ANKEF1: variants seen among roughly 807,000 people sequenced by gnomAD.
ANKEF1 encodes the protein ankyrin repeat and EF-hand domain-containing protein 1.
Under a neutral mutation model 65.1 loss-of-function variants are expected in ANKEF1, and 43 were observed. The ratio of observed to expected loss-of-function variants is 0.66; its 90% confidence interval spans 0.52 to 0.85. The LOEUF is 0.85. Ranked by LOEUF, ANKEF1 falls within the 40% of genes least tolerant of loss-of-function variation. The pLI is 0.00. For synonymous variants in ANKEF1, 316 were observed against 341.5 expected, an observed-to-expected ratio of 0.93 and a Z score of 0.82; for missense variants, 934 against 952.9, an observed-to-expected ratio of 0.98 and a Z score of 0.26.
At chr20:10,050,782 C>A (rs965119466) in intron 7 of ANKEF1, among the ~76,000 whole-genome samples, 2 of 152,170 alleles carry the variant, frequency 1.3e-5, no homozygotes, top group African/African-American at 2.4e-5. Flanking sequence ...GGTGTGGAGT[C>A]ACTTTTTAAT....
chr20:10,039,741 A>G (rs1984062869), intron 3 of ANKEF1, among the ~76,000 whole-genome samples: 1 of 152,178 alleles, frequency 6.6e-6, no homozygotes, highest in Non-Finnish European at 1.5e-5. Context: ...CTACAGGCAA[A>G]ATTGGTTCCA....
chr20:10,055,428 A>T (rs1221621831), intron 10 of ANKEF1, 74 bp from the exon 11 acceptor site: 1 of 1,349,352 alleles, frequency 7.4e-7, no homozygotes, highest in East Asian at 2.3e-5. Flanking sequence ...TGTATTGAAA[A>T]TTGTCTGGAT....
chr20:10,044,781 T>A (rs958549346), intron 5 of ANKEF1, among the ~76,000 whole-genome samples: 1 of 152,196 alleles, frequency 6.6e-6, no homozygotes, highest in African/African-American at 2.4e-5. Context: ...AGTATTTTTC[T>A]GTACACTCGA....
Position 10,054,551 on chromosome 20 carries a change from T to C in ANKEF1, c.2124T>C (p.Ile708=). ...KGNVVHLNSL[I]TSGYTKKVDI... ...ATGTGGTTCATCTGAATTCATTGAT[T>C]ACCAGTGGTTATACTAAGAAAGTGG... Residue 708 remains isoleucine (I), a synonymous_variant, in exon 10 of 11, where the codon ATT becomes ATC. Coordinates refer to ENST00000378392, the MANE Select transcript of ANKEF1 (RefSeq NM_022096.6). 6.2e-7 allele frequency: 1 copy of C among 1,609,818 alleles called. No homozygotes were observed. Among genetic ancestry groups the C allele is most frequent in the Non-Finnish European group, 8.5e-7 (1 of 1,178,374 alleles).
chr20:10,054,646 G>A, intron 10 of ANKEF1, 47 bp downstream of exon 10: 1 of 1,557,812 alleles, frequency 6.4e-7, no homozygotes, highest in Non-Finnish European at 8.6e-7. Context: ...AGCTCATAAT[G>A]TCATTTTTTC....
Position 10,055,827 on chromosome 20 carries a change from A to C in ANKEF1, c.*167A>C. On this transcript the variant is annotated 3_prime_UTR_variant, in exon 11 of 11. Coordinates refer to ENST00000378392, the MANE Select transcript of ANKEF1 (RefSeq NM_022096.6). ...AAATATTCTTAGCTGTCTAGAGAAA[A>C]GATGTATGTTATTTTGAAATGAATG... The C allele has an allele frequency of 1.5e-6, 1 of 648,430 alleles. No individual in the cohort carries two copies. Among genetic ancestry groups the C allele is most frequent in the Non-Finnish European group, 2.6e-6 (1 of 384,318 alleles). The allele number at this position is 648,430 out of a possible 1,614,324, so 40.2% of individuals were successfully genotyped here. A position where few individuals can be genotyped will look rare whatever the true frequency, so the allele number is the denominator to read the frequency against.
intron 6 of ANKEF1, among the ~76,000 whole-genome samples, chr20:10,048,720 T>C (rs979432013): frequency 2.6e-5 from 4 of 152,258 alleles, no homozygotes; most frequent in Admixed American, 2.6e-4. Context: ...TAAATGATGT[T>C]GGAATCATCA....
intron 7 of ANKEF1, 90 bp from the exon 8 acceptor site, chr20:10,051,573 A>G: frequency 1.0e-6 from 1 of 992,622 alleles, no homozygotes; most frequent in Non-Finnish European, 1.5e-6. Flanking sequence ...TAGCAACTTG[A>G]TAGAACTCTA....
Position 10,043,169 on chromosome 20 carries a change from G to T in ANKEF1, c.394G>T (p.Ala132Ser), listed in dbSNP as rs149577177. ...ILPTKRHYRC[A>S]LIALEHGADV... ...ACCGACTAAGCGGCATTATCGCTGT[G>T]CTCTGATCGCCCTTGAACATGGTGC... Residue 132 changes from alanine to serine, a missense_variant, in exon 4 of 11, where the codon GCT (alanine) becomes TCT (serine). Physicochemically the swap from Ala to Ser is moderately conservative, Grantham distance 99 (BLOSUM62 1). Coordinates refer to ENST00000378392, the MANE Select transcript of ANKEF1 (RefSeq NM_022096.6). 4 of 1,614,002 alleles carry T rather than the reference G, an allele frequency of 2.5e-6. No individual in the cohort carries two copies. The African/African-American group carries it at 5.3e-5, about 22-fold the overall frequency.
intron 6 of ANKEF1, 106 bp from the exon 7 acceptor site, chr20:10,049,284 A>AT (rs201956158): frequency 6.2e-6 from 7 of 1,122,756 alleles, no homozygotes; most frequent in Non-Finnish European, 9.0e-6. Flanking sequence ...TTGGGGACAC[A>AT]TTTTTTACTA....
In ANKEF1 at chr20:10,038,255, C is replaced by A; in HGVS notation, c.-44-3C>A. 1 of 1,252,102 alleles carries A rather than the reference C, an allele frequency of 8.0e-7. No individual in the cohort carries two copies. Among genetic ancestry groups the A allele is most frequent in the Non-Finnish European group, 1.1e-6 (1 of 944,826 alleles). The allele number at this position is 1,252,102 out of a possible 1,614,324, so 77.6% of individuals were successfully genotyped here. On this transcript the variant is annotated splice_polypyrimidine_tract_variant and splice_region_variant and intron_variant, in intron 2 of 10. Coordinates refer to ENST00000378392, the MANE Select transcript of ANKEF1 (RefSeq NM_022096.6). Reference sequence around the variant, plus strand: ...GAGTTATTTTTCTTTTTTGTTGCTTCAGCTTTAGTTTTGGTCCAGAAAGCA... The same window carrying A: ...GAGTTATTTTTCTTTTTTGTTGCTTAAGCTTTAGTTTTGGTCCAGAAAGCA...
At chr20:10,054,720 G>A in intron 10 of ANKEF1, 121 bp downstream of exon 10, 2 of 1,047,932 alleles carry the variant, frequency 1.9e-6, no homozygotes, top group Non-Finnish European at 2.7e-6. Flanking sequence ...GTTACTACTT[G>A]TGAATGTTCT....
At chr20:10,047,297 G>A (rs1984572494) in intron 6 of ANKEF1, among the ~76,000 whole-genome samples, 1 of 152,172 alleles carries the variant, frequency 6.6e-6, no homozygotes, top group Admixed American at 6.5e-5. Context: ...TAAAGCAAAT[G>A]TTTGAAAATG....
intron 2 of ANKEF1, among the ~76,000 whole-genome samples, chr20:10,037,787 C>A (rs1983944161): frequency 6.6e-6 from 1 of 152,204 alleles, no homozygotes; most frequent in Admixed American, 6.5e-5. Context: ...ACATAGGAAT[C>A]ACTCATCACA....
At chr20:10,043,086 T>C (rs997234581) in intron 3 of ANKEF1, 36 bp from the exon 4 acceptor site, 1 of 1,590,356 alleles carries the variant, frequency 6.3e-7, no homozygotes. Context: ...TATGTATAGA[T>C]GTTAAATACT....
At chr20:10,042,177 G>A (rs1483094089) in intron 3 of ANKEF1, among the ~76,000 whole-genome samples, 2 of 151,996 alleles carry the variant, frequency 1.3e-5, no homozygotes, top group Non-Finnish European at 2.9e-5. Flanking sequence ...TTAAGATTCA[G>A]GTCTATCTTT....
rs142296899 is a variant in ANKEF1, at chr20:10,044,056, A to T, written c.547-338A>T. On this transcript the variant is annotated intron_variant, in intron 4 of 10. Transcript: ENST00000378392. ...ATTGATTTTCTTCTCATTATAAAACACCTATGACCTAATTTTATATTAGGT... is the reference window on the plus strand; with the variant it reads ...ATTGATTTTCTTCTCATTATAAAACTCCTATGACCTAATTTTATATTAGGT... 9.0e-3 allele frequency among the ~76,000 whole-genome samples: 1,370 copies of T among 152,082 alleles called. 8 individuals carry two copies. The highest frequency in any genetic ancestry group is 0.027 in the Middle Eastern group (8 of 294).
Position 10,038,247 on chromosome 20 carries a change from TG to T in ANKEF1, c.-44-10del. ...TTAACTTTGAGTTATTTTTCTTTTT[TG>T]TTGCTTCAGCTTTAGTTTTGGTCCA... On this transcript the variant is annotated splice_polypyrimidine_tract_variant and intron_variant, in intron 2 of 10. Transcript: ENST00000378392. The T allele has an allele frequency of 8.3e-7, 1 of 1,198,550 alleles. No homozygotes were observed. Among genetic ancestry groups the T allele is most frequent in the Non-Finnish European group, 1.1e-6 (1 of 895,838 alleles). The allele number at this position is 1,198,550 out of a possible 1,614,324, so 74.2% of individuals were successfully genotyped here.
chr20:10,052,522 G>T (rs1984924202), intron 8 of ANKEF1, among the ~76,000 whole-genome samples: 3 of 152,158 alleles, frequency 2.0e-5, no homozygotes, highest in Non-Finnish European at 4.4e-5. Flanking sequence ...TGAGCTCCTT[G>T]TTTGGAAGTA....
Sources: allele counts gnomAD v4.1 joint callset (sites outside exome capture counted in the v4.1 genomes callset), GRCh38; gene constraint gnomAD v4.1.1; transcripts MANE v1.5; gene names NCBI Gene and HGNC (gene_info 2026-07-23, HGNC 2026-07-21).